SKAP2: variants seen among roughly 807,000 people sequenced by gnomAD.
The protein encoded by SKAP2 is src kinase-associated phosphoprotein 2.
Under a neutral mutation model 54.9 loss-of-function variants are expected in SKAP2, and 28 were observed. The observed-to-expected ratio is 0.51, with a 90% CI of 0.38 to 0.70. SKAP2 has a LOEUF of 0.70. Among genes scored for constraint, SKAP2 ranks in the 30% least tolerant of loss-of-function variants. The probability of loss-of-function intolerance (pLI) is 0.00; values close to 1 mark genes in which losing one functional copy is unlikely to be tolerated. For missense variants in SKAP2, 356 were observed against 424.1 expected, an observed-to-expected ratio of 0.84 and a Z score of 1.41; for synonymous variants, 137 against 134.3, an observed-to-expected ratio of 1.02 and a Z score of -0.14.
intron 4 of SKAP2, among the ~76,000 whole-genome samples, chr7:26,813,073 T>C (rs1174308157): frequency 6.6e-6 from 1 of 152,172 alleles, no homozygotes. Context: ...AAACTAGTTC[T>C]TAAATGTGAC....
chr7:26,733,871 G>C (rs1787870869), intron 6 of SKAP2, among the ~76,000 whole-genome samples: 1 of 152,186 alleles, frequency 6.6e-6, no homozygotes, highest in Non-Finnish European at 1.5e-5. Flanking sequence ...GACGGTGCTA[G>C]TGTATTCTTT....
In SKAP2 at chr7:26,802,621, G is replaced by A. The variant is rs375771114; in HGVS notation, c.307+41409C>T. 5.3e-5 allele frequency among the ~76,000 whole-genome samples: 8 copies of A among 152,174 alleles called. No individual in the cohort carries two copies. The South Asian group carries it at 1.0e-3, about 20-fold the overall frequency. On this transcript the variant is annotated intron_variant, in intron 4 of 12. Transcript: ENST00000345317. Reference sequence around the variant, plus strand: ...CTTGGGGCTGGGTGCAGTAGCACACGCCTGTAATCCTGGCACTTTGGGAGG... The same window carrying A: ...CTTGGGGCTGGGTGCAGTAGCACACACCTGTAATCCTGGCACTTTGGGAGG...
intron 4 of SKAP2, among the ~76,000 whole-genome samples, chr7:26,829,015 C>A (rs567570697): frequency 7.1e-4 from 108 of 151,454 alleles, no homozygotes; most frequent in African/African-American, 2.6e-3. Flanking sequence ...GGCGACAGAG[C>A]GAGACTCTGT....
At chr7:26,677,394 T>TAAAAAAA (rs1322136047) in intron 11 of SKAP2, among the ~76,000 whole-genome samples, 8 of 72,948 alleles carry the variant, frequency 1.1e-4, no homozygotes, top group African/African-American at 4.3e-4. Flanking sequence ...TCTGTCTCAA[T>TAAAAAAA]AAAAAAAAAA....
chr7:26,772,268 G>T (rs1428668328), intron 4 of SKAP2, among the ~76,000 whole-genome samples: 1 of 152,110 alleles, frequency 6.6e-6, no homozygotes, highest in African/African-American at 2.4e-5. Context: ...ACATGTGTAG[G>T]TTTGTTACAA....
intron 11 of SKAP2, among the ~76,000 whole-genome samples, chr7:26,674,998 T>G (rs1312191138): frequency 6.6e-6 from 1 of 152,160 alleles, no homozygotes; most frequent in Non-Finnish European, 1.5e-5. Flanking sequence ...GTATTCAGTG[T>G]ATGGTATTTT....
chr7:26,852,946 T>C (rs557802387), intron 3 of SKAP2, among the ~76,000 whole-genome samples: 24 of 152,174 alleles, frequency 1.6e-4, no homozygotes, highest in Non-Finnish European at 2.9e-4. Context: ...TATACATTCG[T>C]CTAAACAAAA....
chr7:26,793,027 C>A (rs780637975), intron 4 of SKAP2, among the ~76,000 whole-genome samples: 1 of 152,070 alleles, frequency 6.6e-6, no homozygotes, highest in Admixed American at 6.6e-5. Context: ...GAAACGAATT[C>A]TTTTCTAATG....
chr7:26,764,087 T>C (rs1250792180), intron 4 of SKAP2, among the ~76,000 whole-genome samples: 2 of 152,142 alleles, frequency 1.3e-5, no homozygotes, highest in South Asian at 2.1e-4. Flanking sequence ...ATGACAAAGA[T>C]GAAAGCTAGA....
At chr7:26,718,594 C>G (rs1321574999) in intron 9 of SKAP2, among the ~76,000 whole-genome samples, 1 of 151,934 alleles carries the variant, frequency 6.6e-6, no homozygotes, top group Non-Finnish European at 1.5e-5. Context: ...TCACCTCCAC[C>G]TCCCAGATTC....
intron 5 of SKAP2, 136 bp from the exon 6 acceptor site, chr7:26,739,014 C>A (rs1050283620): frequency 2.6e-5 from 17 of 647,270 alleles, no homozygotes; most frequent in African/African-American, 1.1e-4. Flanking sequence ...AGACAAAAAA[C>A]CAAACAACAA....
At chr7:26,829,409 C>T (rs1367084687) in intron 4 of SKAP2, among the ~76,000 whole-genome samples, 2 of 151,634 alleles carry the variant, frequency 1.3e-5, no homozygotes, top group Non-Finnish European at 2.9e-5. Context: ...TGGGTGTAGT[C>T]GTATGCGCCT....
chr7:26,769,052 T>C (rs377139755), intron 4 of SKAP2, among the ~76,000 whole-genome samples: 22 of 152,222 alleles, frequency 1.4e-4, no homozygotes, highest in East Asian at 7.7e-4. Context: ...GAAGAGTATT[T>C]TCCAACTTGG....
intron 4 of SKAP2, among the ~76,000 whole-genome samples, chr7:26,829,891 G>A (rs985990977): frequency 7.9e-5 from 12 of 152,014 alleles, no homozygotes; most frequent in African/African-American, 2.4e-4. Flanking sequence ...CAGTAATTTC[G>A]TTCCTAGGTA....
At chr7:26,685,863 T>C (rs912980727) in intron 10 of SKAP2, among the ~76,000 whole-genome samples, 2 of 152,180 alleles carry the variant, frequency 1.3e-5, no homozygotes, top group African/African-American at 4.8e-5. Context: ...GTAATATCAA[T>C]AAGATGTCCG....
intron 4 of SKAP2, among the ~76,000 whole-genome samples, chr7:26,798,124 T>G (rs1169321887): frequency 2.0e-5 from 3 of 151,830 alleles, no homozygotes; most frequent in Non-Finnish European, 4.4e-5. Flanking sequence ...ACCCAAAGGT[T>G]AAAGCATTTA....
rs190898808 is a variant in SKAP2, at chr7:26,718,505, T to C, written c.796+6923A>G. Among the ~76,000 whole-genome samples the C allele has an allele frequency of 5.2e-4, 79 of 151,514 alleles. 1 individual carries two copies. Among genetic ancestry groups the C allele is most frequent in the Admixed American group, 1.8e-3 (28 of 15,236 alleles). On this transcript the variant is annotated intron_variant, in intron 9 of 12. Coordinates refer to ENST00000345317, the MANE Select transcript of SKAP2 (RefSeq NM_003930.5). Reference sequence around the variant, plus strand: ...CACTTTTTTATTTTATTTTAATTTATTTTATTTTATTTTATTTTATTTTTA... The same window carrying C: ...CACTTTTTTATTTTATTTTAATTTACTTTATTTTATTTTATTTTATTTTTA...
At chr7:26,791,358 T>A (rs911879978) in intron 4 of SKAP2, among the ~76,000 whole-genome samples, 13 of 152,256 alleles carry the variant, frequency 8.5e-5, no homozygotes, top group Admixed American at 6.5e-4. Context: ...TATTTTTTTT[T>A]AAGACAGGGT....
At chr7:26,825,842 T>C (rs1784480532) in intron 4 of SKAP2, among the ~76,000 whole-genome samples, 1 of 152,222 alleles carries the variant, frequency 6.6e-6, no homozygotes, top group Non-Finnish European at 1.5e-5. Context: ...CACTACTGAA[T>C]GTATATCTAT....
Sources: gnomAD v4.1 joint callset for allele counts (sites outside exome capture counted in the v4.1 genomes callset) on GRCh38, gnomAD v4.1.1 for gene constraint, MANE v1.5 for transcripts, NCBI Gene and HGNC (gene_info 2026-07-23, HGNC 2026-07-21) for gene names.